Variants in MYH10 observed in about 807,000 individuals in gnomAD.
MYH10 encodes the protein myosin-10.
Under a neutral mutation model 257.8 loss-of-function variants are expected in MYH10, and 55 were observed. The ratio of observed to expected loss-of-function variants is 0.21; its 90% confidence interval spans 0.17 to 0.27. The LOEUF (loss-of-function observed/expected upper bound fraction) is 0.27. Ranked by LOEUF, MYH10 falls within the 10% of genes least tolerant of loss-of-function variation. The probability of loss-of-function intolerance (pLI) is 1.00; values close to 1 mark genes in which losing one functional copy is unlikely to be tolerated. For synonymous variants in MYH10, 854 were observed against 921.7 expected (o/e 0.93, Z 1.33); for missense variants, 1,631 against 2,500.6 (o/e 0.65, Z 7.42).
Position 8,576,679 on chromosome 17 carries a change from A to G in MYH10, c.634-7T>C. Reference sequence around the variant, plus strand: ...CTGGTTTAGGCGATTCCTGCTGTTCATTACAAACAGACAAATGCAAATGTT... The same window carrying G: ...CTGGTTTAGGCGATTCCTGCTGTTCGTTACAAACAGACAAATGCAAATGTT... On this transcript the variant is annotated splice_region_variant and splice_polypyrimidine_tract_variant and intron_variant, in intron 5 of 42. Transcript: ENST00000360416. The G allele has an allele frequency of 1.9e-6, 3 of 1,550,734 alleles. No individual in the cohort carries two copies. The highest frequency in any genetic ancestry group is 2.6e-6 in the Non-Finnish European group (3 of 1,146,974).
In MYH10 at chr17:8,484,229, G is replaced by A. The variant is rs1253602034; in HGVS notation, c.5084C>T (p.Ala1695Val). The A allele has an allele frequency of 6.2e-7, 1 of 1,612,822 alleles. No individual in the cohort carries two copies. The highest frequency in any genetic ancestry group is 8.5e-7 in the Non-Finnish European group (1 of 1,179,464). The part of the protein sequence containing the change: ...MKDYQRELEE[A>V]RASRDEIFAQ... ...AAAAATCTCATCTCTGGATGCACGAGCTTCTTCTAATTCACGTTGGTAATC... is the reference window on the plus strand; with the variant it reads ...AAAAATCTCATCTCTGGATGCACGAACTTCTTCTAATTCACGTTGGTAATC... Residue 1695 changes from alanine (A) to valine (V), a missense_variant, in exon 37 of 43, where the codon GCT becomes GTT. Physicochemically the swap from Ala to Val is moderately conservative, Grantham distance 64 (BLOSUM62 0). Transcript: ENST00000360416.
chr17:8,516,538 T>C (rs1482053128), intron 21 of MYH10, among the ~76,000 whole-genome samples: 1 of 152,246 alleles, frequency 6.6e-6, no homozygotes, highest in Non-Finnish European at 1.5e-5. Context: ...GTCCTTAAGA[T>C]GAAATAATGC....
At chr17:8,494,729 T>TA (rs1916318215) in intron 31 of MYH10, among the ~76,000 whole-genome samples, 1 of 152,274 alleles carries the variant, frequency 6.6e-6, no homozygotes, top group African/African-American at 2.4e-5. Context: ...AACAGTCTGA[T>TA]AAGCCTCAAC....
chr17:8,533,323 C>G (rs2082054120), intron 16 of MYH10, among the ~76,000 whole-genome samples: 1 of 152,180 alleles, frequency 6.6e-6, no homozygotes, highest in Admixed American at 6.5e-5. Context: ...CTAGCCTCAA[C>G]CTACCATCCC....
At chr17:8,543,050 T>C (rs2082335627) in intron 13 of MYH10, among the ~76,000 whole-genome samples, 1 of 152,216 alleles carries the variant, frequency 6.6e-6, no homozygotes, top group Non-Finnish European at 1.5e-5. Flanking sequence ...GGCGAATGCA[T>C]AGATGGGTGA....
chr17:8,564,229 C>T (rs1201393642), intron 7 of MYH10, among the ~76,000 whole-genome samples: 3 of 152,142 alleles, frequency 2.0e-5, no homozygotes, highest in Non-Finnish European at 4.4e-5. Flanking sequence ...AGATATTCTT[C>T]AGGAAATTAG....
At chr17:8,605,282 AT>A (rs1567970655) in intron 2 of MYH10, among the ~76,000 whole-genome samples, 2 of 152,290 alleles carry the variant, frequency 1.3e-5, no homozygotes, top group East Asian at 3.9e-4. Context: ...TACAATCAAT[AT>A]GTTATTTACT....
chr17:8,525,809 T>C (rs1007145907), intron 17 of MYH10, among the ~76,000 whole-genome samples: 1 of 152,234 alleles, frequency 6.6e-6, no homozygotes, highest in East Asian at 1.9e-4. Flanking sequence ...TTTTGTTTTT[T>C]TGAGATGGAG....
chr17:8,603,445 C>A (rs1056928428), intron 3 of MYH10, among the ~76,000 whole-genome samples: 6 of 152,126 alleles, frequency 3.9e-5, no homozygotes, highest in Non-Finnish European at 7.4e-5. Flanking sequence ...TACATGTGAG[C>A]CTGTCCCCAT....
Position 8,582,077 on chromosome 17 carries a change from A to AATG in MYH10, c.531-4742_531-4740dup, listed in dbSNP as rs549820620. Among the ~76,000 whole-genome samples the AATG allele has an allele frequency of 6.2e-3, 949 of 152,284 alleles. 11 individuals carry two copies. Among genetic ancestry groups the AATG allele is most frequent in the African/African-American group, 0.022 (914 of 41,556 alleles). On this transcript the variant is annotated intron_variant, in intron 4 of 42. Transcript: ENST00000360416. ...GATACCAATAGTTATGATAATGATC[A>AATG]ATGATGATGATGATGAAGATGGTAA...
At chr17:8,583,116 G>T (rs975180614) in intron 4 of MYH10, among the ~76,000 whole-genome samples, 3 of 152,252 alleles carry the variant, frequency 2.0e-5, no homozygotes, top group African/African-American at 7.2e-5. Context: ...CTATCGCACT[G>T]GCACTACCTC....
Position 8,478,459 on chromosome 17 carries a change from TCA to T in MYH10, c.5598-15_5598-14del, listed in dbSNP as rs1205123528. On this transcript the variant is annotated splice_polypyrimidine_tract_variant and intron_variant, in intron 40 of 42. Coordinates refer to ENST00000360416, the MANE Select transcript of MYH10 (RefSeq NM_001256012.3). ...GGCTGCTCGTTCCCTGTGAAAGTGGTCACAGTAGTTTTGAAATTCTTGAAATG... is the reference window on the plus strand; with the variant it reads ...GGCTGCTCGTTCCCTGTGAAAGTGGTCAGTAGTTTTGAAATTCTTGAAATG... 6.2e-7 allele frequency: 1 copy of T among 1,612,016 alleles called. No homozygotes were observed. Among genetic ancestry groups the T allele is most frequent in the African/African-American group, 1.3e-5 (1 of 74,852 alleles).
intron 3 of MYH10, among the ~76,000 whole-genome samples, chr17:8,593,746 T>C (rs758295046): frequency 3.7e-4 from 57 of 152,292 alleles, no homozygotes; most frequent in South Asian, 6.2e-4. Flanking sequence ...ATATTGTTGT[T>C]AATTCGGCCT....
At chr17:8,602,660 A>G (rs1196731532) in intron 3 of MYH10, among the ~76,000 whole-genome samples, 1 of 152,214 alleles carries the variant, frequency 6.6e-6, no homozygotes, top group Non-Finnish European at 1.5e-5. Context: ...TATGTAATCA[A>G]AACTATCATC....
rs543625975 is a variant in MYH10 at position 8,486,533 on chromosome 17, T to C, written c.5046+900A>G. ...AAAAAAAACAAAAAAAAAATCTTTATATTTAGCTTCAAAAAAAAAAAAAAA... is the reference window on the plus strand; with the variant it reads ...AAAAAAAACAAAAAAAAAATCTTTACATTTAGCTTCAAAAAAAAAAAAAAA... On this transcript the variant is annotated intron_variant, in intron 36 of 42. Coordinates refer to ENST00000360416, the MANE Select transcript of MYH10 (RefSeq NM_001256012.3). Among the ~76,000 whole-genome samples, 203 of 99,154 alleles carry C rather than the reference T, an allele frequency of 2.0e-3. 3 individuals are homozygous for C. The highest frequency in any genetic ancestry group is 7.5e-4 in the Non-Finnish European group (36 of 47,734). The allele number at this position is 99,154 out of a possible 152,430, so 65.0% of individuals were successfully genotyped here. A position where few individuals can be genotyped will look rare whatever the true frequency, so the allele number is the denominator to read the frequency against.
At chr17:8,489,218 C>G (rs1915358105) in intron 35 of MYH10, among the ~76,000 whole-genome samples, 1 of 152,150 alleles carries the variant, frequency 6.6e-6, no homozygotes, top group African/African-American at 2.4e-5. Flanking sequence ...TCGAATTATG[C>G]AGCCAGGGCC....
rs150513163 is a variant in MYH10 at position 8,506,031 on chromosome 17, C to A, written c.3386+287G>T. On this transcript the variant is annotated intron_variant, in intron 27 of 42. Transcript: ENST00000360416. The surrounding 1 kb of genome is among the most constrained non-coding windows in gnomAD (Gnocchi z 5.0). The stretch of plus-strand genomic sequence containing the variant: ...ACAGTTAATCTGTAATGTACAGAGA[C>A]CAAAACATTTGTTATAGTGAAATAA... 1.6e-4 allele frequency: 52 copies of A among 331,264 alleles called. 1 individual carries two copies. The East Asian group carries it at 3.0e-3, about 19-fold the overall frequency. 20.5% of individuals were successfully genotyped at this position (331,264 alleles called of 1,614,324 possible). A position where few individuals can be genotyped will look rare whatever the true frequency, so the allele number is the denominator to read the frequency against.
chr17:8,505,361 T>C (rs906692976), intron 27 of MYH10, among the ~76,000 whole-genome samples: 3 of 152,232 alleles, frequency 2.0e-5, no homozygotes, highest in Admixed American at 1.3e-4. Flanking sequence ...CTCATCCTCA[T>C]ACCCTCCAGG....
At chr17:8,593,345 T>C (rs987959016) in intron 3 of MYH10, among the ~76,000 whole-genome samples, 7 of 151,972 alleles carry the variant, frequency 4.6e-5, no homozygotes, top group African/African-American at 1.7e-4. Context: ...ATCCAAAGCA[T>C]AGATTGAAAA....
Sources: gnomAD v4.1 joint callset for allele counts (sites outside exome capture counted in the v4.1 genomes callset) on GRCh38, gnomAD v4.1.1 for gene constraint, Gnocchi (gnomAD v3.1) non-coding constraint, MANE v1.5 for transcripts, NCBI Gene and HGNC (gene_info 2026-07-23, HGNC 2026-07-21) for gene names.